Variants in ADGRL3 observed in about 807,000 individuals in gnomAD.
The protein encoded by ADGRL3 is adhesion G protein-coupled receptor L3.
In ADGRL3, 62 loss-of-function variants were observed where a neutral mutation model predicts 153.5. That is an observed-to-expected ratio of 0.40 (90% confidence interval 0.33 to 0.50). ADGRL3 has a LOEUF of 0.50. Ranked by LOEUF, ADGRL3 falls within the 20% of genes least tolerant of loss-of-function variation. The pLI is 0.47. For synonymous variants in ADGRL3, 710 were observed against 672.5 expected, an observed-to-expected ratio of 1.06 and a Z score of -0.86; for missense variants, 1,641 against 1,859.4, an observed-to-expected ratio of 0.88 and a Z score of 2.16.
At chr4:61,527,510 A>G (rs181565490) in intron 4 of ADGRL3, among the ~76,000 whole-genome samples, 15 of 152,116 alleles carry the variant, frequency 9.9e-5, no homozygotes, top group African/African-American at 3.6e-4. Context: ...CCATAAATTT[A>G]TATATAATTG....
chr4:61,493,508 T>A (rs2152793733), intron 2 of ADGRL3, among the ~76,000 whole-genome samples: 1 of 152,356 alleles, frequency 6.6e-6, no homozygotes, highest in Non-Finnish European at 1.5e-5. Context: ...TCATATGAAA[T>A]AAATGATTCC....
intron 5 of ADGRL3, among the ~76,000 whole-genome samples, chr4:61,610,797 C>CT (rs11396203): frequency 0.98 from 147,726 of 150,914 alleles, 72,357 homozygotes; most frequent in Non-Finnish European, 1. Context: ...AAAAGGAAAT[C>CT]TTTTTTTTTC....
At chr4:61,720,991 A>T (rs1253903207) in intron 6 of ADGRL3, among the ~76,000 whole-genome samples, 1 of 152,156 alleles carries the variant, frequency 6.6e-6, no homozygotes, top group Non-Finnish European at 1.5e-5. Context: ...GGTTGATGTG[A>T]GGATTAAATA....
At chr4:61,487,008 G>T (rs2098202537) in intron 2 of ADGRL3, among the ~76,000 whole-genome samples, 1 of 152,266 alleles carries the variant, frequency 6.6e-6, no homozygotes, top group African/African-American at 2.4e-5. Context: ...CATGATTCTT[G>T]CAGGCTAAAG....
chr4:61,582,633 G>A (rs1023253579), intron 4 of ADGRL3, among the ~76,000 whole-genome samples: 4 of 151,024 alleles, frequency 2.6e-5, no homozygotes, highest in African/African-American at 9.8e-5. Context: ...AATATGTAGA[G>A]CAATGCATGA....
intron 1 of ADGRL3, among the ~76,000 whole-genome samples, chr4:61,347,917 A>AT (rs942110274): frequency 7.9e-5 from 12 of 152,056 alleles, no homozygotes; most frequent in East Asian, 1.9e-4. Flanking sequence ...CTATATTCAC[A>AT]TTTTTTTCTT....
At chr4:61,447,745 G>A (rs141776982) in intron 2 of ADGRL3, among the ~76,000 whole-genome samples, 2 of 152,204 alleles carry the variant, frequency 1.3e-5, no homozygotes, top group East Asian at 3.9e-4. Context: ...CCCCTTTTCT[G>A]TAAGTCTTTT....
chr4:61,343,384 T>C (rs1366167429), intron 1 of ADGRL3, among the ~76,000 whole-genome samples: 1 of 152,212 alleles, frequency 6.6e-6, no homozygotes, highest in Non-Finnish European at 1.5e-5. Flanking sequence ...GGGTCATCCT[T>C]TTTCTTACAG....
intron 9 of ADGRL3, among the ~76,000 whole-genome samples, chr4:61,846,974 A>G (rs973599060): frequency 9.5e-4 from 130 of 136,250 alleles, no homozygotes; most frequent in African/African-American, 3.5e-3. Context: ...GTGTGTGTAT[A>G]TATATGTATA....
chr4:61,856,451 TTTC>T, intron 9 of ADGRL3, among the ~76,000 whole-genome samples: 3 of 145,920 alleles, frequency 2.1e-5, no homozygotes, highest in Admixed American at 6.8e-5. Flanking sequence ...TCCTTCCTTT[TTTC>T]TTTTCTTTTC....
rs188197468 is a variant in ADGRL3, at chr4:61,645,646, G to A, written c.474-31180G>A. Among the ~76,000 whole-genome samples the A allele has an allele frequency of 4.0e-3, 604 of 152,200 alleles. 3 individuals are homozygous for A. The highest frequency in any genetic ancestry group is 4.6e-3 in the Non-Finnish European group (316 of 68,030). ...TCTTCTGGCTTGTAGAGTTTCTGCC[G>A]AGAGATCCACTGTTAGTCTGATGGG... On this transcript the variant is annotated intron_variant, in intron 5 of 26. Coordinates refer to ENST00000683033, the MANE Select transcript of ADGRL3 (RefSeq NM_001387552.1).
intron 1 of ADGRL3, among the ~76,000 whole-genome samples, chr4:61,366,129 A>T (rs968872147): frequency 9.5e-5 from 13 of 136,720 alleles, no homozygotes; most frequent in South Asian, 4.5e-4. Context: ...TGGCATTTAA[A>T]TATTTTCTTT....
At chr4:61,913,185 T>C (rs1490938974) in intron 13 of ADGRL3, among the ~76,000 whole-genome samples, 1 of 152,156 alleles carries the variant, frequency 6.6e-6, no homozygotes, top group Non-Finnish European at 1.5e-5. Flanking sequence ...TGTTCCTTAG[T>C]AGAGCTGTTT....
chr4:61,988,967 A>T (rs961232308), intron 19 of ADGRL3, among the ~76,000 whole-genome samples: 4 of 152,150 alleles, frequency 2.6e-5, no homozygotes, highest in Non-Finnish European at 5.9e-5. Context: ...AATTGTTGTA[A>T]ATTATCTATT....
chr4:61,215,773 C>G (rs184971751), intron 1 of ADGRL3, among the ~76,000 whole-genome samples: 1 of 151,386 alleles, frequency 6.6e-6, no homozygotes, highest in Non-Finnish European at 1.5e-5. Context: ...AGGATGGTGT[C>G]GATCTCCTGA....
At chr4:61,322,836 C>T (rs576583474) in intron 1 of ADGRL3, among the ~76,000 whole-genome samples, 5 of 152,300 alleles carry the variant, frequency 3.3e-5, no homozygotes, top group South Asian at 2.1e-4. Context: ...ATCTACCATT[C>T]TGGAGTCTGG....
intron 4 of ADGRL3, among the ~76,000 whole-genome samples, chr4:61,558,132 C>T (rs1279711026): frequency 7.5e-6 from 1 of 133,906 alleles, no homozygotes; most frequent in Non-Finnish European, 1.5e-5. Flanking sequence ...ATGTAGGAAT[C>T]ATATATATAT....
At chr4:61,689,797 A>G (rs1384565598) in intron 6 of ADGRL3, among the ~76,000 whole-genome samples, 1 of 152,140 alleles carries the variant, frequency 6.6e-6, no homozygotes, top group East Asian at 1.9e-4. Flanking sequence ...ACTTGGTGGC[A>G]TACTGACAAA....
chr4:61,808,237 A>G (rs2097572057), intron 8 of ADGRL3, among the ~76,000 whole-genome samples: 2 of 152,174 alleles, frequency 1.3e-5, no homozygotes, highest in African/African-American at 4.8e-5. Context: ...GGACAGTGTT[A>G]TCTTGTTCAT....
Sources: gnomAD v4.1 joint callset for allele counts (sites outside exome capture counted in the v4.1 genomes callset) on GRCh38, gnomAD v4.1.1 for gene constraint, MANE v1.5 for transcripts, NCBI Gene and HGNC (gene_info 2026-07-23, HGNC 2026-07-21) for gene names.